Variants in SAMD7 observed in about 807,000 individuals in gnomAD.
The protein encoded by SAMD7 is sterile alpha motif domain containing 7, also known as sterile alpha motif domain-containing protein 7.
SAMD7 carries 34 observed loss-of-function variants against 36.7 expected under a neutral mutation model. That is an observed-to-expected ratio of 0.93 (90% CI 0.71 to 1.23). SAMD7 has a LOEUF of 1.23. Among genes scored for constraint, SAMD7 ranks in the 50% most tolerant of loss-of-function variants. The probability of loss-of-function intolerance (pLI) is 0.00; values close to 1 mark genes in which losing one functional copy is unlikely to be tolerated. For missense variants in SAMD7, 570 were observed against 546.6 expected, an observed-to-expected ratio of 1.04 and a Z score of -0.43; for synonymous variants, 188 against 189.7, an observed-to-expected ratio of 0.99 and a Z score of 0.07.
chr3:169,924,692 A>G (rs1307368199), intron 4 of SAMD7, among the ~76,000 whole-genome samples: 1 of 152,232 alleles, frequency 6.6e-6, no homozygotes, highest in Non-Finnish European at 1.5e-5. Context: ...ATGTATATAC[A>G]TATATCAAAA....
intron 2 of SAMD7, among the ~76,000 whole-genome samples, chr3:169,919,112 C>G (rs1401190198): frequency 6.6e-6 from 1 of 152,168 alleles, no homozygotes; most frequent in Admixed American, 6.5e-5. Flanking sequence ...CACCATTGCA[C>G]TCCAGCCTGG....
At chr3:169,927,244 C>T in intron 6 of SAMD7, 63 bp downstream of exon 6, 1 of 792,388 alleles carries the variant, frequency 1.3e-6, no homozygotes, top group Non-Finnish European at 1.9e-6. Flanking sequence ...CCGTAGGTTA[C>T]TACATAATAA....
chr3:169,933,615 T>C (rs1248319952), intron 7 of SAMD7, among the ~76,000 whole-genome samples: 1 of 152,216 alleles, frequency 6.6e-6, no homozygotes, highest in Admixed American at 6.5e-5. Context: ...CACCGGTGCA[T>C]ATTGTGGAAA....
chr3:169,921,959 A>AT (rs1339385143), intron 4 of SAMD7, among the ~76,000 whole-genome samples: 6 of 152,190 alleles, frequency 3.9e-5, no homozygotes, highest in Non-Finnish European at 8.8e-5. Context: ...AAACAACAGG[A>AT]TTTTCTCACA....
chr3:169,917,672 C>T (rs1241412601), intron 2 of SAMD7, among the ~76,000 whole-genome samples: 4 of 140,122 alleles, frequency 2.9e-5, no homozygotes, highest in East Asian at 2.1e-4. Context: ...GACGGAGTCT[C>T]GCTCTGTCAC....
intron 3 of SAMD7, 143 bp downstream of exon 3, chr3:169,919,727 T>C: frequency 1.4e-6 from 1 of 721,374 alleles, no homozygotes; most frequent in Non-Finnish European, 2.4e-6. Context: ...CAAGACACCC[T>C]GCTGGCCTCA....
chr3:169,938,247 ATG>A (rs1304868509), intron 8 of SAMD7, 69 bp from the exon 9 acceptor site: 2 of 959,112 alleles, frequency 2.1e-6, no homozygotes, highest in East Asian at 2.4e-5. Flanking sequence ...CCTCTCTGTG[ATG>A]TGTGTTTAAT....
At chr3:169,928,237 CT>C (rs1417729551) in intron 6 of SAMD7, among the ~76,000 whole-genome samples, 21 of 152,148 alleles carry the variant, frequency 1.4e-4, no homozygotes, top group Non-Finnish European at 3.1e-4. Context: ...AAACCTGGAA[CT>C]TGTTTACTTA....
chr3:169,921,357 T>G lies in SAMD7; in HGVS notation c.211+19T>G, dbSNP rs200871370. The stretch of plus-strand genomic sequence containing the variant: ...TACCCAGGTATGAGCAATAGAAGTT[T>G]GGCTCTCATCTGTGGAGTCATTTTG... On this transcript the variant is annotated intron_variant, in intron 4 of 8. Coordinates refer to ENST00000335556, the MANE Select transcript of SAMD7 (RefSeq NM_001304366.2). 2.0e-5 allele frequency: 32 copies of G among 1,611,494 alleles called. No individual in the cohort carries two copies. The highest frequency in any genetic ancestry group is 2.5e-6 in the Non-Finnish European group (3 of 1,177,926).
chr3:169,935,671 G>A (rs1478455408), intron 7 of SAMD7, among the ~76,000 whole-genome samples: 1 of 152,186 alleles, frequency 6.6e-6, no homozygotes, highest in Admixed American at 6.5e-5. Flanking sequence ...CAGGCAAGTT[G>A]AAGTTGAAGA....
chr3:169,936,354 G>T lies in SAMD7; in HGVS notation c.1057G>T (p.Ala353Ser). Residue 353 changes from alanine (A) to serine (S), a missense_variant, in exon 8 of 9, where the codon GCA becomes TCA. Coordinates refer to ENST00000335556, the MANE Select transcript of SAMD7 (RefSeq NM_001304366.2). ...SDYAQVFKDH[A>S]IDGETLPLLT... ...ATTTATGAAGGTATTTAAAGATCAT[G>T]CAATTGATGGAGAAACTTTGCCATT... The T allele has an allele frequency of 1.9e-6, 3 of 1,605,260 alleles. No homozygotes were observed. The South Asian group carries it at 3.3e-5, about 18-fold the overall frequency.
intron 4 of SAMD7, among the ~76,000 whole-genome samples, chr3:169,921,637 T>C (rs1393234064): frequency 9.2e-5 from 14 of 152,248 alleles, no homozygotes; most frequent in Admixed American, 8.5e-4. Context: ...AGATTAGATC[T>C]GAGAATTAAT....
intron 7 of SAMD7, among the ~76,000 whole-genome samples, chr3:169,933,749 A>T (rs1017570485): frequency 5.9e-5 from 9 of 152,252 alleles, no homozygotes; most frequent in Non-Finnish European, 1.0e-4. Flanking sequence ...TGGAGCACAG[A>T]GTGGAAACAA....
Position 169,926,714 on chromosome 3 carries a change from A to T in SAMD7, c.452A>T (p.His151Leu). 1 of 1,613,884 alleles carries T rather than the reference A, an allele frequency of 6.2e-7. No individual in the cohort carries two copies. Among genetic ancestry groups the T allele is most frequent in the Non-Finnish European group, 8.5e-7 (1 of 1,179,974 alleles). The part of the protein sequence containing the change: ...GRSMLPAGDL[H>L]FHRSTLRNLQ... The stretch of plus-strand genomic sequence containing the variant: ...AGCATGCTCCCTGCCGGTGACCTGC[A>T]TTTTCACAGAAGCACCCTCAGAAAC... The change falls in exon 6 of 9, where the codon CAT becomes CTT. Residue 151 changes from histidine (H) to leucine (L), a missense_variant. By Grantham distance (99) the His-to-Leu change is moderately conservative. Transcript: ENST00000335556.
intron 6 of SAMD7, 81 bp downstream of exon 6, chr3:169,927,262 C>A: frequency 4.1e-6 from 3 of 729,564 alleles, no homozygotes; most frequent in Non-Finnish European, 6.3e-6. Context: ...TAAACTGTAA[C>A]CATCCTGCCT....
intron 2 of SAMD7, among the ~76,000 whole-genome samples, chr3:169,915,730 G>A (rs532963242): frequency 1.1e-4 from 16 of 150,724 alleles, no homozygotes; most frequent in African/African-American, 2.2e-4. Flanking sequence ...GACTACAGGC[G>A]CCACACCCGG....
chr3:169,924,949 G>GTT (rs202097560), intron 4 of SAMD7, 109 bp from the exon 5 acceptor site: 716 of 567,942 alleles, frequency 1.3e-3, no homozygotes, highest in Middle Eastern at 3.3e-3. Flanking sequence ...TTGCTGGTTT[G>GTT]TTTTTTTTTT....
intron 2 of SAMD7, among the ~76,000 whole-genome samples, chr3:169,919,072 G>A (rs1712932449): frequency 6.6e-6 from 1 of 152,170 alleles, no homozygotes; most frequent in Admixed American, 6.5e-5. Context: ...CTTGAACCCG[G>A]GAGGCGGAGG....
At position 169,928,637 on chromosome 3, in the gene SAMD7, A is replaced by G. The variant is rs201810492; in HGVS notation, c.1041+59A>G. The stretch of plus-strand genomic sequence containing the variant: ...AAACAGTTTGAAATATCTTTCCTGC[A>G]TAATGAATTAGGTCAAACTTGCATT... On this transcript the variant is annotated intron_variant, in intron 7 of 8. Transcript: ENST00000335556. 5.1e-6 allele frequency: 8 copies of G among 1,553,416 alleles called. No homozygotes were observed. In the Admixed American group the frequency reaches 5.2e-5, roughly 10 times the overall value.
Sources: gnomAD v4.1 joint callset for allele counts (sites outside exome capture counted in the v4.1 genomes callset) on GRCh38, gnomAD v4.1.1 for gene constraint, MANE v1.5 for transcripts, NCBI Gene and HGNC (gene_info 2026-07-23, HGNC 2026-07-21) for gene names.